Variants in TAFA2 observed in about 807,000 individuals in gnomAD.
TAFA2 encodes the protein chemokine-like protein TAFA-2.
Under a neutral mutation model 18.8 loss-of-function variants are expected in TAFA2, and 7 were observed. That is an observed-to-expected ratio of 0.37 (90% CI 0.21 to 0.70). The LOEUF (loss-of-function observed/expected upper bound fraction) is 0.70, where lower values mean the gene tolerates loss of function less well. Among genes scored for constraint, TAFA2 ranks in the 30% least tolerant of loss-of-function variants. The pLI, the probability that TAFA2 is intolerant of heterozygous loss-of-function variation, is 0.53. For synonymous variants in TAFA2, 60 were observed against 54.2 expected, an observed-to-expected ratio of 1.11 and a Z score of -0.47; for missense variants, 122 against 158.1, an observed-to-expected ratio of 0.77 and a Z score of 1.23.
At chr12:61,869,258 G>A (rs1374364038) in intron 1 of TAFA2, among the ~76,000 whole-genome samples, 1 of 152,084 alleles carries the variant, frequency 6.6e-6, no homozygotes, top group African/African-American at 2.4e-5. Flanking sequence ...ATGTGACTTT[G>A]AACAAATTAC....
intron 1 of TAFA2, chr12:61,879,494 G>T (rs548101015): frequency 5.8e-4 from 402 of 695,150 alleles, no homozygotes; most frequent in Admixed American, 1.7e-3. Flanking sequence ...GGGGCCAGCG[G>T]TATTGGAGGG....
At chr12:61,870,886 TA>T (rs1874570585) in intron 1 of TAFA2, among the ~76,000 whole-genome samples, 1 of 152,136 alleles carries the variant, frequency 6.6e-6, no homozygotes, top group African/African-American at 2.4e-5. Context: ...TCCACCTACT[TA>T]TATTCAACCA....
At chr12:62,124,435 G>T (rs967748014) in intron 1 of TAFA2, among the ~76,000 whole-genome samples, 2 of 151,792 alleles carry the variant, frequency 1.3e-5, no homozygotes, top group Non-Finnish European at 2.9e-5. Flanking sequence ...AGAAATAAAA[G>T]AAAATGGAAT....
At chr12:62,027,640 A>C (rs1881343916) in intron 1 of TAFA2, among the ~76,000 whole-genome samples, 1 of 152,144 alleles carries the variant, frequency 6.6e-6, no homozygotes, top group Non-Finnish European at 1.5e-5. Flanking sequence ...TTCCTTCAGC[A>C]GAACCTCCTT....
intron 1 of TAFA2, chr12:62,145,655 A>G (rs566058267): frequency 6.6e-6 from 1 of 152,360 alleles, no homozygotes; most frequent in South Asian, 2.1e-4. Flanking sequence ...TTCAGGAGAA[A>G]GAGAGAAGGG....
At chr12:61,770,580 C>T (rs985525552) in intron 2 of TAFA2, among the ~76,000 whole-genome samples, 1 of 152,082 alleles carries the variant, frequency 6.6e-6, no homozygotes, top group Non-Finnish European at 1.5e-5. Context: ...GGGGTCCTAT[C>T]TTTAGCCTCC....
intron 4 of TAFA2, among the ~76,000 whole-genome samples, chr12:61,738,953 C>T (rs1868354759): frequency 6.6e-6 from 1 of 151,974 alleles, no homozygotes; most frequent in African/African-American, 2.4e-5. Flanking sequence ...GAAAACTGGC[C>T]CATTTTATTA....
chr12:62,121,516 T>A (rs1018862517), intron 1 of TAFA2, among the ~76,000 whole-genome samples: 2 of 152,190 alleles, frequency 1.3e-5, no homozygotes, highest in African/African-American at 2.4e-5. Flanking sequence ...AGAGTATTTT[T>A]AAACTATAAC....
intron 1 of TAFA2, among the ~76,000 whole-genome samples, chr12:61,980,138 G>C (rs906097141): frequency 1.3e-5 from 2 of 152,028 alleles, no homozygotes; most frequent in Non-Finnish European, 2.9e-5. Flanking sequence ...GCCATGCAAG[G>C]CTGGTTTAAC....
intron 2 of TAFA2, among the ~76,000 whole-genome samples, chr12:61,777,352 G>A (rs1039442128): frequency 6.6e-6 from 1 of 151,814 alleles, no homozygotes; most frequent in East Asian, 1.9e-4. Context: ...AGATAAGGTA[G>A]GGAAAGCTCT....
At chr12:61,934,422 A>G (rs753386333) in intron 1 of TAFA2, among the ~76,000 whole-genome samples, 4 of 152,234 alleles carry the variant, frequency 2.6e-5, no homozygotes, top group Non-Finnish European at 2.9e-5. Context: ...AATGACACAA[A>G]TTAAAGTTAA....
At chr12:62,241,972 AAG>A (rs1055948484) in intron 1 of TAFA2, among the ~76,000 whole-genome samples, 5 of 152,358 alleles carry the variant, frequency 3.3e-5, no homozygotes, top group African/African-American at 9.6e-5. Context: ...GAAGATAGTT[AAG>A]AGAGTTCATA....
intron 2 of TAFA2, among the ~76,000 whole-genome samples, chr12:61,831,490 C>A (rs969661618): frequency 2.6e-5 from 4 of 151,956 alleles, no homozygotes; most frequent in African/African-American, 7.2e-5. Flanking sequence ...GCCCTGAATC[C>A]ACCAATTTTC....
intron 1 of TAFA2, among the ~76,000 whole-genome samples, chr12:62,220,969 T>G (rs540510504): frequency 6.6e-6 from 1 of 151,518 alleles, no homozygotes; most frequent in Non-Finnish European, 1.5e-5. Context: ...TAGCCGGGCA[T>G]GGTAGCGGGC....
intron 1 of TAFA2, among the ~76,000 whole-genome samples, chr12:62,054,827 C>T (rs776926934): frequency 4.0e-4 from 61 of 152,182 alleles, no homozygotes; most frequent in Non-Finnish European, 6.9e-4. Flanking sequence ...AATTATAAAA[C>T]AGTGTCACAA....
intron 2 of TAFA2, chr12:61,775,925 G>A (rs1052956148): frequency 8.5e-5 from 17 of 199,094 alleles, no homozygotes; most frequent in Admixed American, 2.4e-4. Context: ...ATGCCAAAAC[G>A]ACAAACACCA....
At chr12:61,988,592 A>T (rs1879894820) in intron 1 of TAFA2, among the ~76,000 whole-genome samples, 1 of 152,200 alleles carries the variant, frequency 6.6e-6, no homozygotes, top group Admixed American at 6.5e-5. Flanking sequence ...TACTATGTGC[A>T]CTACAATTTT....
chr12:62,060,160 G>A (rs1023460938), intron 1 of TAFA2, among the ~76,000 whole-genome samples: 37 of 152,150 alleles, frequency 2.4e-4, no homozygotes, highest in Admixed American at 1.1e-3. Context: ...CCCACTTTGG[G>A]TGGGCTTTAG....
chr12:62,046,995 A>C (rs1881926972), intron 1 of TAFA2, among the ~76,000 whole-genome samples: 1 of 152,040 alleles, frequency 6.6e-6, no homozygotes, highest in Non-Finnish European at 1.5e-5. Flanking sequence ...TTAAAGTATA[A>C]GTTTATTTTT....
Sources: gnomAD v4.1 joint callset for allele counts (sites outside exome capture counted in the v4.1 genomes callset) on GRCh38, gnomAD v4.1.1 for gene constraint, MANE v1.5 for transcripts, NCBI Gene and HGNC (gene_info 2026-07-23, HGNC 2026-07-21) for gene names.